Variants in RAP1GAP observed in about 807,000 individuals in gnomAD.
The protein encoded by RAP1GAP is RAP1 GTPase activating protein.
RAP1GAP carries 35 observed loss-of-function variants against 87.2 expected under a neutral mutation model. That is an observed-to-expected ratio of 0.40 (90% confidence interval 0.31 to 0.53). RAP1GAP has a LOEUF of 0.53. Ranked by LOEUF, RAP1GAP falls within the 20% of genes least tolerant of loss-of-function variation. The probability of loss-of-function intolerance (pLI) is 0.48; values close to 1 mark genes in which losing one functional copy is unlikely to be tolerated. For synonymous variants in RAP1GAP, 375 were observed against 363.9 expected, an observed-to-expected ratio of 1.03 and a Z score of -0.35; for missense variants, 734 against 898.9, an observed-to-expected ratio of 0.82 and a Z score of 2.35.
At chr1:21,640,497 T>G (rs897034758) in intron 2 of RAP1GAP, among the ~76,000 whole-genome samples, 7 of 152,194 alleles carry the variant, frequency 4.6e-5, no homozygotes, top group African/African-American at 1.4e-4. Flanking sequence ...AAGCTGTCTC[T>G]ACAAGGGTCA....
chr1:21,606,304 G>A (rs1420043590), intron 17 of RAP1GAP, 107 bp from the exon 18 acceptor site: 3 of 1,448,186 alleles, frequency 2.1e-6, no homozygotes, highest in African/African-American at 2.8e-5. Flanking sequence ...TGCCACTCTG[G>A]GTAAGCCCTG....
rs61497285 is a variant in RAP1GAP at position 21,642,875 on chromosome 1, T to TACACACACACAC, written c.-113+6874_-113+6885dup. Among the ~76,000 whole-genome samples the TACACACACACAC allele has an allele frequency of 9.0e-3, 1,211 of 134,272 alleles. 13 individuals carry two copies. Among genetic ancestry groups the TACACACACACAC allele is most frequent in the African/African-American group, 0.023 (790 of 35,108 alleles). The allele number at this position is 134,272 out of a possible 152,430, so 88.1% of individuals were successfully genotyped here. A position where few individuals can be genotyped will look rare whatever the true frequency, so the allele number is the denominator to read the frequency against. On this transcript the variant is annotated intron_variant, in intron 2 of 24. Transcript: ENST00000374765. ...CGCACAGTGCACCTCCCTTCCCCACTACACACACACACACACACACACACA... is the reference window on the plus strand; with the variant it reads ...CGCACAGTGCACCTCCCTTCCCCACTACACACACACACACACACACACACACACACACACACA...
At chr1:21,606,358 G>A (rs2149050268) in intron 17 of RAP1GAP, among the ~76,000 whole-genome samples, 161 bp from the exon 18 acceptor site, 1 of 152,336 alleles carries the variant, frequency 6.6e-6, no homozygotes, top group South Asian at 2.1e-4. Flanking sequence ...GCAACAGAGG[G>A]AGGTGGGGCC....
chr1:21,639,159 C>A (rs1302731777), intron 2 of RAP1GAP, among the ~76,000 whole-genome samples: 1 of 152,254 alleles, frequency 6.6e-6, no homozygotes, highest in Non-Finnish European at 1.5e-5. Context: ...GTAGGCTCTG[C>A]TCCTAGCGCG....
intron 17 of RAP1GAP, 142 bp downstream of exon 17, chr1:21,608,071 G>C (rs979820708): frequency 3.8e-5 from 48 of 1,263,292 alleles, no homozygotes; most frequent in Middle Eastern, 2.0e-4. Flanking sequence ...CAATCCCCCA[G>C]TCCGGGACTC....
At chr1:21,651,814 G>A (rs1008760521) in intron 1 of RAP1GAP, 22 of 1,298,670 alleles carry the variant, frequency 1.7e-5, no homozygotes, top group Non-Finnish European at 2.1e-5. Context: ...TGCGCTTCCG[G>A]CCGCTCATGG....
At chr1:21,638,524 C>T (rs1012350564) in intron 2 of RAP1GAP, among the ~76,000 whole-genome samples, 6 of 151,716 alleles carry the variant, frequency 4.0e-5, no homozygotes, top group Non-Finnish European at 8.8e-5. Context: ...CCCAAAAGCC[C>T]TCAGAATTTT....
At chr1:21,601,494 G>A (rs2068458485) in intron 20 of RAP1GAP, among the ~76,000 whole-genome samples, 190 bp downstream of exon 20, 1 of 152,222 alleles carries the variant, frequency 6.6e-6, no homozygotes, top group African/African-American at 2.4e-5. Flanking sequence ...AGAGCCGGGC[G>A]CGGGGCTGGG....
chr1:21,620,801 C>T (rs972428113), intron 3 of RAP1GAP, among the ~76,000 whole-genome samples: 5 of 152,094 alleles, frequency 3.3e-5, no homozygotes, highest in African/African-American at 1.2e-4. Flanking sequence ...TCAGCTCAGG[C>T]GGCTCCTGCT....
intron 17 of RAP1GAP, among the ~76,000 whole-genome samples, chr1:21,607,168 A>G (rs962840898): frequency 2.6e-5 from 4 of 152,088 alleles, no homozygotes; most frequent in Non-Finnish European, 5.9e-5. Context: ...GGTGGAGGAG[A>G]CGGTGGCAAA....
chr1:21,631,131 T>G (rs1157003319), intron 2 of RAP1GAP, among the ~76,000 whole-genome samples: 1 of 152,178 alleles, frequency 6.6e-6, no homozygotes, highest in Non-Finnish European at 1.5e-5. Context: ...TCTTCTCCAT[T>G]CAGTTCACAT....
chr1:21,613,709 G>A lies in RAP1GAP; in HGVS notation c.396-3C>T. The A allele has an allele frequency of 1.2e-6, 2 of 1,610,934 alleles. No homozygotes were observed. The highest frequency in any genetic ancestry group is 1.7e-6 in the Non-Finnish European group (2 of 1,177,658). ...CATGGTATGTCCGGCACTTGGTCCT[G>A]AGAAGAGAAAGTCACACGATGAAGG... On this transcript the variant is annotated splice_region_variant and splice_polypyrimidine_tract_variant and intron_variant, in intron 8 of 24. Coordinates refer to ENST00000374765, the MANE Select transcript of RAP1GAP (RefSeq NM_002885.4). The surrounding 1 kb of genome is among the most constrained non-coding windows in gnomAD (Gnocchi z 4.7).
At chr1:21,602,077 G>A (rs2069067583) in intron 19 of RAP1GAP, among the ~76,000 whole-genome samples, 1 of 152,210 alleles carries the variant, frequency 6.6e-6, no homozygotes, top group Admixed American at 6.5e-5. Flanking sequence ...AACCTGCCCA[G>A]GGACGCACAG....
chr1:21,664,113 A>G (rs1277816359), intron 1 of RAP1GAP, among the ~76,000 whole-genome samples: 1 of 152,182 alleles, frequency 6.6e-6, no homozygotes, highest in Non-Finnish European at 1.5e-5. Context: ...GCGGAACACA[A>G]GGTTCCTGAC....
At position 21,652,279 on chromosome 1, in the gene RAP1GAP, C is replaced by A. The variant is rs1454662914; in HGVS notation, c.-148-2483G>T. Among the ~76,000 whole-genome samples the A allele has an allele frequency of 2.2e-4, 33 of 152,222 alleles. 1 individual carries two copies. Among genetic ancestry groups the A allele is most frequent in the Admixed American group, 2.2e-3 (33 of 15,294 alleles). On this transcript the variant is annotated intron_variant, in intron 1 of 24. Coordinates refer to ENST00000374765, the MANE Select transcript of RAP1GAP (RefSeq NM_002885.4). The stretch of plus-strand genomic sequence containing the variant: ...CACGGCGGGCATGTCCCGCCCCTCC[C>A]TGTCCCTCGACTTTCTCATCTGTAA...
intron 2 of RAP1GAP, among the ~76,000 whole-genome samples, chr1:21,628,025 G>A (rs182332230): frequency 5.9e-5 from 9 of 152,194 alleles, no homozygotes; most frequent in African/African-American, 2.2e-4. Context: ...AGCCTGGGCA[G>A]CTCATGGGAA....
intron 1 of RAP1GAP, chr1:21,651,649 C>A (rs1159999968): frequency 6.1e-6 from 6 of 976,332 alleles, no homozygotes; most frequent in Non-Finnish European, 9.4e-6. Flanking sequence ...AGGTCAAACG[C>A]TCAGCCCCCA....
At chr1:21,626,456 T>G in intron 2 of RAP1GAP, 59 bp from the exon 3 acceptor site, 12 of 1,374,588 alleles carry the variant, frequency 8.7e-6, no homozygotes, top group Non-Finnish European at 1.2e-5. Context: ...TTGGGAACTC[T>G]GGGAGAGTCA....
rs1019385770 is a variant in RAP1GAP, at chr1:21,642,277, G to A, written c.-113+7484C>T. On this transcript the variant is annotated intron_variant, in intron 2 of 24. Transcript: ENST00000374765. ...GCGCAATTCCGCACCCACTGCAGGC[G>A]CAGCAGGTAACCATGACCGCGATGA... Among the ~76,000 whole-genome samples the A allele has an allele frequency of 2.0e-5, 3 of 152,362 alleles. No homozygotes were observed. The South Asian group carries it at 6.2e-4, about 32-fold the overall frequency.
Sources: allele counts gnomAD v4.1 joint callset (sites outside exome capture counted in the v4.1 genomes callset), GRCh38; gene constraint gnomAD v4.1.1; non-coding constraint Gnocchi (gnomAD v3.1); transcripts MANE v1.5; gene names NCBI Gene and HGNC (gene_info 2026-07-23, HGNC 2026-07-21).